MBTD1: variants seen among roughly 807,000 people sequenced by gnomAD.
MBTD1 encodes mbt domain containing 1.
In MBTD1, 24 loss-of-function variants were observed where a neutral mutation model predicts 87.8. The observed-to-expected ratio is 0.27, with a 90% CI of 0.20 to 0.38. MBTD1 has a LOEUF of 0.38. MBTD1 is among the 10% of genes least tolerant of loss of function. MBTD1 has a pLI of 1.00. For missense variants in MBTD1, 436 were observed against 760.2 expected, an observed-to-expected ratio of 0.57 and a Z score of 5.02; for synonymous variants, 237 against 248.6, an observed-to-expected ratio of 0.95 and a Z score of 0.44.
chr17:51,219,124 A>G, intron 4 of MBTD1, 80 bp from the exon 5 acceptor site: 3 of 694,524 alleles, frequency 4.3e-6, no homozygotes, highest in Non-Finnish European at 7.9e-6. Flanking sequence ...CATACTACAC[A>G]TTCTGCTTAA....
chr17:51,229,572 T>C (rs1274908560), intron 2 of MBTD1, among the ~76,000 whole-genome samples: 1 of 151,938 alleles, frequency 6.6e-6, no homozygotes, highest in Non-Finnish European at 1.5e-5. Flanking sequence ...GTCCACACAA[T>C]GGAAATATTA....
chr17:51,194,290 C>T (rs1221847880), intron 13 of MBTD1, among the ~76,000 whole-genome samples: 1 of 152,150 alleles, frequency 6.6e-6, no homozygotes, highest in African/African-American at 2.4e-5. Context: ...CCACATAGGG[C>T]TGGGTGCAGT....
chr17:51,257,159 A>G (rs571472202), intron 2 of MBTD1, among the ~76,000 whole-genome samples: 1 of 152,354 alleles, frequency 6.6e-6, no homozygotes, highest in South Asian at 2.1e-4. Context: ...GTTAGGAGAA[A>G]TATCTTAGCT....
At chr17:51,235,357 C>G (rs1005943887) in intron 2 of MBTD1, among the ~76,000 whole-genome samples, 12 of 151,814 alleles carry the variant, frequency 7.9e-5, no homozygotes, top group Non-Finnish European at 1.3e-4. Flanking sequence ...AGGCTGGACT[C>G]GAACTCCTGA....
intron 2 of MBTD1, among the ~76,000 whole-genome samples, chr17:51,234,866 T>A (rs1443620845): frequency 6.6e-6 from 1 of 151,820 alleles, no homozygotes. Flanking sequence ...GCTAATTTTT[T>A]TTGTATTTTC....
chr17:51,188,675 C>T (rs912379867), intron 16 of MBTD1, among the ~76,000 whole-genome samples: 8 of 151,222 alleles, frequency 5.3e-5, no homozygotes, highest in African/African-American at 9.7e-5. Context: ...TAAGAGGCGG[C>T]GGCACCATTA....
At chr17:51,184,887 C>G (rs2050464936) in intron 16 of MBTD1, 2 of 152,138 alleles carry the variant, frequency 1.3e-5, no homozygotes, top group African/African-American at 4.8e-5. Flanking sequence ...TGTTAAAGAG[C>G]AGGTAACACT....
Position 51,203,884 on chromosome 17 carries a change from A to C in MBTD1, c.646T>G (p.Ser216Ala). Reference protein sequence around the residue: ...LLRYEGFENDSGLDFWCNICG... With the variant: ...LLRYEGFENDAGLDFWCNICG... ...ATATTGCACCAGAAGTCCAGACCAG[A>C]GTCATTTTCAAATCCTTCATATCTT... The change falls in exon 8 of 17, where the codon TCT becomes GCT. Residue 216 changes from serine to alanine, a missense_variant. Transcript: ENST00000586178. 3 of 1,612,794 alleles carry C rather than the reference A, an allele frequency of 1.9e-6. No homozygotes were observed. Among genetic ancestry groups the C allele is most frequent in the Non-Finnish European group, 2.5e-6 (3 of 1,179,562 alleles).
chr17:51,182,433 A>G (rs1475949999), intron 16 of MBTD1, among the ~76,000 whole-genome samples: 1 of 152,074 alleles, frequency 6.6e-6, no homozygotes, highest in Admixed American at 6.6e-5. Flanking sequence ...GCCTCTTTAT[A>G]CATTTGAATG....
intron 7 of MBTD1, among the ~76,000 whole-genome samples, chr17:51,204,364 C>A (rs1210420332): frequency 2.0e-5 from 3 of 148,500 alleles, no homozygotes; most frequent in Non-Finnish European, 4.5e-5. Context: ...TCAAGCGATT[C>A]TCCTACCTCA....
chr17:51,201,652 C>A lies in MBTD1; in HGVS notation c.1164G>T (p.Met388Ile), dbSNP rs746572834. ...TTAATGGGTCTATAGCTTCCAATTT[C>A]ATTCCTTCCTTGAACCATTCCCCAC... ...DQSGEWFKEG[M>I]KLEAIDPLNL... Residue 388 changes from methionine to isoleucine, a missense_variant, in exon 12 of 17, where the codon ATG becomes ATT. Met to Ile is a conservative substitution (Grantham distance 10). Around this residue, in one of 5 missense-constraint regions of MBTD1, gnomAD observed 268 missense variants for 401.8 expected, o/e 0.67. Transcript: ENST00000586178. 5 of 1,612,374 alleles carry A rather than the reference C, an allele frequency of 3.1e-6. No homozygotes were observed. Among genetic ancestry groups the A allele is most frequent in the Non-Finnish European group, 2.5e-6 (3 of 1,179,012 alleles).
rs1203689279 is a variant in MBTD1 at position 51,220,480 on chromosome 17, A to T, written c.155-17T>A. The T allele has an allele frequency of 6.5e-7, 1 of 1,533,334 alleles. No homozygotes were observed. Among genetic ancestry groups the T allele is most frequent in the Non-Finnish European group, 8.8e-7 (1 of 1,134,888 alleles). 95.0% of individuals were successfully genotyped at this position (1,533,334 alleles called of 1,614,324 possible). A position where few individuals can be genotyped will look rare whatever the true frequency, so the allele number is the denominator to read the frequency against. On this transcript the variant is annotated splice_polypyrimidine_tract_variant and intron_variant, in intron 3 of 16. Coordinates refer to ENST00000586178, the MANE Select transcript of MBTD1 (RefSeq NM_017643.3). ...CACAGGTAGCTAATTAACAAAATAA[A>T]AACACTGGTGTTATGATGATATAAT...
chr17:51,229,273 C>T (rs1026119988), intron 2 of MBTD1, among the ~76,000 whole-genome samples: 1 of 152,078 alleles, frequency 6.6e-6, no homozygotes, highest in African/African-American at 2.4e-5. Flanking sequence ...GGCACCTATC[C>T]TTTTTCTTTT....
chr17:51,191,889 T>C, intron 16 of MBTD1: 1 of 263,346 alleles, frequency 3.8e-6, no homozygotes, highest in Non-Finnish European at 7.2e-6. Flanking sequence ...CTGCTAATTT[T>C]TCTTTTTAAA....
intron 2 of MBTD1, among the ~76,000 whole-genome samples, chr17:51,242,084 C>T (rs568770744): frequency 1.8e-4 from 27 of 152,282 alleles, no homozygotes; most frequent in Middle Eastern, 3.4e-3. Context: ...AAACATTTCT[C>T]CTAACAGCCT....
At chr17:51,220,540 C>A (rs2052824478) in intron 3 of MBTD1, 77 bp from the exon 4 acceptor site, 2 of 1,313,446 alleles carry the variant, frequency 1.5e-6, no homozygotes, top group Admixed American at 2.7e-5. Context: ...TAAATAATTT[C>A]TCCTGCCATC....
At chr17:51,225,548 G>C (rs530303784) in intron 2 of MBTD1, among the ~76,000 whole-genome samples, 3 of 151,316 alleles carry the variant, frequency 2.0e-5, no homozygotes, top group African/African-American at 7.3e-5. Context: ...GTAGAGATGG[G>C]GTTCTGCCAT....
intron 16 of MBTD1, among the ~76,000 whole-genome samples, chr17:51,181,101 A>G: frequency 6.7e-6 from 1 of 148,258 alleles, no homozygotes; most frequent in East Asian, 2.0e-4. Flanking sequence ...GGCTTACTGC[A>G]ACCTCCGCTT....
At chr17:51,247,556 C>T (rs2054520621) in intron 2 of MBTD1, among the ~76,000 whole-genome samples, 1 of 151,756 alleles carries the variant, frequency 6.6e-6, no homozygotes, top group East Asian at 1.9e-4. Context: ...TCAAGTGATC[C>T]TCCCACCCCA....
Sources: gnomAD v4.1 joint callset for allele counts (sites outside exome capture counted in the v4.1 genomes callset) on GRCh38, gnomAD v4.1.1 for gene constraint, gnomAD v4.1.1 regional missense constraint, MANE v1.5 for transcripts, NCBI Gene and HGNC (gene_info 2026-07-23, HGNC 2026-07-21) for gene names.